Variants in TLL2 observed in about 807,000 individuals in gnomAD.
The protein encoded by TLL2 is tolloid like 2.
TLL2 carries 106 observed loss-of-function variants against 123.0 expected under a neutral mutation model. That is an observed-to-expected ratio of 0.86 (90% confidence interval 0.74 to 1.01). TLL2 has a LOEUF of 1.01. Ranked by LOEUF, TLL2 falls within the 50% of genes least tolerant of loss-of-function variation. TLL2 has a pLI of 0.00. For synonymous variants in TLL2, 494 were observed against 516.8 expected, an observed-to-expected ratio of 0.96 and a Z score of 0.60; for missense variants, 1,332 against 1,336.7, an observed-to-expected ratio of 1.00 and a Z score of 0.06.
In TLL2 at chr10:96,432,996, CT is replaced by C. The variant is rs759126578; in HGVS notation, c.365-35del. The C allele has an allele frequency of 1.9e-6, 3 of 1,596,220 alleles. No homozygotes were observed. The South Asian group carries it at 3.4e-5, about 18-fold the overall frequency. On this transcript the variant is annotated intron_variant, in intron 3 of 20. Coordinates refer to ENST00000357947, the MANE Select transcript of TLL2 (RefSeq NM_012465.4). Reference sequence around the variant, plus strand: ...CAGTCAGGTTAATATTGATTTTGCCCTTTGGTTCCTCCTGTGAATTATGGCT... The same window carrying C: ...CAGTCAGGTTAATATTGATTTTGCCCTTGGTTCCTCCTGTGAATTATGGCT...
chr10:96,432,723 C>G, intron 4 of TLL2, 84 bp downstream of exon 4: 3 of 1,534,058 alleles, frequency 2.0e-6, no homozygotes, highest in Non-Finnish European at 2.7e-6. Context: ...CTCCATCCCA[C>G]CCGGGTCCTT....
At chr10:96,412,136 G>A (rs904297560) in intron 8 of TLL2, among the ~76,000 whole-genome samples, 2 of 152,132 alleles carry the variant, frequency 1.3e-5, no homozygotes, top group Admixed American at 1.3e-4. Flanking sequence ...TGATATGTGT[G>A]TCCTGTATTT....
At chr10:96,506,261 A>AAAG (rs1847577636) in intron 1 of TLL2, among the ~76,000 whole-genome samples, 1 of 137,128 alleles carries the variant, frequency 7.3e-6, no homozygotes, top group Non-Finnish European at 1.6e-5. Flanking sequence ...CAAAAAAAAA[A>AAAG]AAAAGAAAAA....
At chr10:96,376,846 AAGAG>A (rs770978887) in intron 17 of TLL2, 27 bp from the exon 18 acceptor site, 4 of 1,499,336 alleles carry the variant, frequency 2.7e-6, no homozygotes, top group Non-Finnish European at 3.5e-6. Context: ...GACACATACA[AAGAG>A]AGAAGTCATT....
intron 18 of TLL2, chr10:96,375,236 G>A (rs1846127126): frequency 6.6e-6 from 1 of 152,244 alleles, no homozygotes; most frequent in African/African-American, 2.4e-5. Flanking sequence ...GCTCCCAGGA[G>A]GTCCATGGGG....
intron 1 of TLL2, among the ~76,000 whole-genome samples, chr10:96,509,604 A>G (rs1847608468): frequency 6.6e-6 from 1 of 152,328 alleles, no homozygotes; most frequent in East Asian, 1.9e-4. Context: ...CACATGAACT[A>G]TCTACACCAA....
intron 3 of TLL2, among the ~76,000 whole-genome samples, chr10:96,444,247 G>A (rs908386504): frequency 1.3e-5 from 2 of 152,176 alleles, no homozygotes; most frequent in South Asian, 2.1e-4. Flanking sequence ...TCTATTACAA[G>A]CACACTAAAT....
chr10:96,457,075 A>C lies in TLL2; in HGVS notation c.287-10907T>G, dbSNP rs147544148. On this transcript the variant is annotated intron_variant, in intron 2 of 20. Transcript: ENST00000357947. The stretch of plus-strand genomic sequence containing the variant: ...TTTTCTCATCCATACAAATGGGAAT[A>C]ATAGGTGCTAACTTTTCAGGTTGTG... Among the ~76,000 whole-genome samples the C allele has an allele frequency of 6.9e-4, 105 of 152,380 alleles. 1 individual carries two copies. Among genetic ancestry groups the C allele is most frequent in the African/African-American group, 2.4e-3 (100 of 41,590 alleles).
At chr10:96,445,130 A>T (rs559930856) in intron 3 of TLL2, among the ~76,000 whole-genome samples, 3 of 152,216 alleles carry the variant, frequency 2.0e-5, no homozygotes, top group African/African-American at 7.2e-5. Flanking sequence ...CGGAGCTTGC[A>T]GTGAGCTGAG....
chr10:96,381,210 C>A (rs11594430), intron 16 of TLL2, among the ~76,000 whole-genome samples: 2 of 152,076 alleles, frequency 1.3e-5, no homozygotes, highest in Non-Finnish European at 1.5e-5. Context: ...CCCTGCTGCC[C>A]TGGTCCTCCA....
intron 1 of TLL2, among the ~76,000 whole-genome samples, chr10:96,512,543 A>G (rs1719577162): frequency 6.6e-6 from 1 of 152,116 alleles, no homozygotes; most frequent in Admixed American, 6.5e-5. Flanking sequence ...TTCTCTGCCG[A>G]CCGCCAAGTG....
chr10:96,385,348 C>T (rs1373977392), intron 15 of TLL2, among the ~76,000 whole-genome samples: 1 of 152,198 alleles, frequency 6.6e-6, no homozygotes, highest in South Asian at 2.1e-4. Flanking sequence ...TTATCAATTG[C>T]TTTCAAGGAT....
chr10:96,513,370 G>T, intron 1 of TLL2, 141 bp downstream of exon 1: 2 of 1,058,562 alleles, frequency 1.9e-6, no homozygotes, highest in Non-Finnish European at 1.3e-6. Context: ...TTCCTCGGAG[G>T]CATTGTCTTC....
chr10:96,468,330 G>A (rs1366058937), intron 2 of TLL2, among the ~76,000 whole-genome samples: 1 of 152,176 alleles, frequency 6.6e-6, no homozygotes, highest in African/African-American at 2.4e-5. Flanking sequence ...AGGGGACACT[G>A]CAGCCAAGGG....
rs537191881 is a variant in TLL2 at position 96,432,349 on chromosome 10, G to A, written c.520+458C>T. Among the ~76,000 whole-genome samples, 255 of 152,276 alleles carry A rather than the reference G, an allele frequency of 1.7e-3. 1 individual carries two copies. Among genetic ancestry groups the A allele is most frequent in the Non-Finnish European group, 3.2e-3 (217 of 68,012 alleles). ...GTGCTGGAGCTGAGATTTGGACCCA[G>A]GGAGTCGAGCCATGTCCACTGGTCC... On this transcript the variant is annotated intron_variant, in intron 4 of 20. Coordinates refer to ENST00000357947, the MANE Select transcript of TLL2 (RefSeq NM_012465.4).
intron 4 of TLL2, among the ~76,000 whole-genome samples, chr10:96,429,750 C>T (rs185186829): frequency 8.5e-4 from 129 of 152,258 alleles, no homozygotes; most frequent in African/African-American, 2.8e-3. Flanking sequence ...TACTTTTGCA[C>T]GGGGTTTCAG....
chr10:96,490,979 G>A (rs1459051020), intron 1 of TLL2, among the ~76,000 whole-genome samples: 2 of 152,210 alleles, frequency 1.3e-5, no homozygotes, highest in Admixed American at 6.5e-5. Flanking sequence ...GGGGTCATGG[G>A]CTCCCCTCCA....
chr10:96,487,737 G>A (rs1847371595), intron 1 of TLL2, among the ~76,000 whole-genome samples: 1 of 152,152 alleles, frequency 6.6e-6, no homozygotes, highest in Non-Finnish European at 1.5e-5. Flanking sequence ...CTCGCCTGGG[G>A]TCACAGGGCC....
chr10:96,484,717 C>T (rs12218172), intron 1 of TLL2, among the ~76,000 whole-genome samples: 1,613 of 151,856 alleles, frequency 0.011, 48 homozygotes, highest in South Asian at 0.1. Flanking sequence ...ATTTATGGAG[C>T]AATGAAGAAC....
Sources: gnomAD v4.1 joint callset for allele counts (sites outside exome capture counted in the v4.1 genomes callset) on GRCh38, gnomAD v4.1.1 for gene constraint, MANE v1.5 for transcripts, NCBI Gene and HGNC (gene_info 2026-07-23, HGNC 2026-07-21) for gene names.